IL17RE: variants seen among roughly 807,000 people sequenced by gnomAD.
IL17RE encodes interleukin 17 receptor E, also known as interleukin-17 receptor E.
Under a neutral mutation model 70.7 loss-of-function variants are expected in IL17RE, and 47 were observed. That is an observed-to-expected ratio of 0.67 (90% CI 0.53 to 0.85). The LOEUF (loss-of-function observed/expected upper bound fraction) is 0.85, where lower values mean the gene tolerates loss of function less well. IL17RE is among the 40% of genes least tolerant of loss of function. The pLI is 0.00. For synonymous variants in IL17RE, 372 were observed against 381.2 expected (o/e 0.98, Z 0.28); for missense variants, 850 against 893.9 (o/e 0.95, Z 0.63).
At position 9,915,306 on chromosome 3, in the gene IL17RE, G is replaced by A; in HGVS notation, c.1503G>A (p.Gln501=). Residue 501 remains glutamine (Q), a synonymous_variant, in exon 16 of 16, where the codon CAG becomes CAA. Coordinates refer to ENST00000383814, the MANE Select transcript of IL17RE (RefSeq NM_153480.2). The surrounding 1 kb of genome is among the most constrained non-coding windows in gnomAD (Gnocchi z 4.9). ...TGCACGCGGCGGACTCGGAGGCGCA[G>A]CGGCGCCTGGTGGGAGCGCTGGCTG... is the stretch of plus-strand genomic sequence containing the variant. The part of the protein sequence containing the change: ...LLLHAADSEA[Q]RRLVGALAEL... The A allele has an allele frequency of 7.2e-7, 1 of 1,394,816 alleles. No homozygotes were observed. Among genetic ancestry groups the A allele is most frequent in the Non-Finnish European group, 9.2e-7 (1 of 1,081,808 alleles). The allele number at this position is 1,394,816 out of a possible 1,614,324, so 86.4% of individuals were successfully genotyped here.
Position 9,904,018 on chromosome 3 carries a change from T to C in IL17RE, c.149-14T>C. 1 of 1,613,960 alleles carries C rather than the reference T, an allele frequency of 6.2e-7. No homozygotes were observed. Among genetic ancestry groups the C allele is most frequent in the Non-Finnish European group, 8.5e-7 (1 of 1,179,922 alleles). On this transcript the variant is annotated splice_polypyrimidine_tract_variant and intron_variant, in intron 2 of 15. Coordinates refer to ENST00000383814, the MANE Select transcript of IL17RE (RefSeq NM_153480.2). ...TTAGACCCTATCATTTGCTTTCCCT[T>C]CCATCTTTCCCAGGAAGTTCTGCCT... is the stretch of plus-strand genomic sequence containing the variant.
chr3:9,904,637 A>G (rs948664558), intron 3 of IL17RE, among the ~76,000 whole-genome samples: 26 of 152,194 alleles, frequency 1.7e-4, no homozygotes, highest in African/African-American at 5.8e-4. Flanking sequence ...AATACAAAAA[A>G]TTAGCAGGGC....
At chr3:9,914,622 G>C (rs753758697) in intron 14 of IL17RE, 23 bp downstream of exon 14, 1 of 1,613,360 alleles carries the variant, frequency 6.2e-7, no homozygotes. Context: ...GGAGGGGGAG[G>C]TAAGAGGGAG....
rs748230310 is a variant in IL17RE, at chr3:9,911,573, G to GC, written c.1209dup (p.Val404ArgfsTer107). 1 of 1,613,990 alleles carries GC rather than the reference G, an allele frequency of 6.2e-7. No homozygotes were observed. The highest frequency in any genetic ancestry group is 8.5e-7 in the Non-Finnish European group (1 of 1,179,914). On this transcript the variant is annotated frameshift_variant, in exon 12 of 16. Transcript: ENST00000383814. LOFTEE classifies it high-confidence loss of function. ...CAGGCTTGGGGCAGGACACTTTGGT[G>GC]CCCCCCGTGTACACTGTCAGCCAGG...
chr3:9,916,060 T>G lies in IL17RE; in HGVS notation c.*253T>G. 8.4e-6 allele frequency: 4 copies of G among 476,076 alleles called. No individual in the cohort carries two copies. Among genetic ancestry groups the G allele is most frequent in the Non-Finnish European group, 1.4e-5 (4 of 296,084 alleles). The allele number at this position is 476,076 out of a possible 1,614,324, so 29.5% of individuals were successfully genotyped here. Reference sequence around the variant, plus strand: ...TGATGGGGGAGGGCGGTCTTCCCACTTCCTCTCCAGAACTCCAGAAAGAGC... The same window carrying G: ...TGATGGGGGAGGGCGGTCTTCCCACGTCCTCTCCAGAACTCCAGAAAGAGC... On this transcript the variant is annotated 3_prime_UTR_variant, in exon 16 of 16. Coordinates refer to ENST00000383814, the MANE Select transcript of IL17RE (RefSeq NM_153480.2).
chr3:9,904,294 G>T (rs17050639), intron 3 of IL17RE, 143 bp downstream of exon 3: 11,469 of 793,122 alleles, frequency 0.014, 186 homozygotes, highest in Admixed American at 0.053. Flanking sequence ...AAAATAGCAC[G>T]CTATGACTGA....
chr3:9,915,243 G>A lies in IL17RE; in HGVS notation c.1448-8G>A. The A allele has an allele frequency of 1.4e-6, 2 of 1,379,360 alleles. No individual in the cohort carries two copies. Among genetic ancestry groups the A allele is most frequent in the African/African-American group, 1.5e-5 (1 of 66,018 alleles). The allele number at this position is 1,379,360 out of a possible 1,614,324, so 85.4% of individuals were successfully genotyped here. ...GCCCAGCCTTCATCTGTTGCTTCCC[G>A]CCACCAGGCCCGGGCCCAGCGCGGC... On this transcript the variant is annotated splice_region_variant and splice_polypyrimidine_tract_variant and intron_variant, in intron 15 of 15. Coordinates refer to ENST00000383814, the MANE Select transcript of IL17RE (RefSeq NM_153480.2). This position sits in a 1 kb window ranked among gnomAD's most constrained non-coding sequence, Gnocchi z 4.9.
chr3:9,914,631 AGGCTGGGCACTGAGGAAC>A, intron 14 of IL17RE, 30 bp from the exon 15 acceptor site: 2 of 1,613,104 alleles, frequency 1.2e-6, no homozygotes, highest in Non-Finnish European at 1.7e-6. Flanking sequence ...GGTAAGAGGG[AGGCTGGGCACTGAGGAAC>A]TGGGCTTGGC....
At chr3:9,912,138 C>A (rs981590732) in intron 12 of IL17RE, among the ~76,000 whole-genome samples, 11 of 152,144 alleles carry the variant, frequency 7.2e-5, no homozygotes, top group Non-Finnish European at 1.2e-4. Context: ...GGAGCGCAAA[C>A]CCTATTGTGA....
intron 6 of IL17RE, among the ~76,000 whole-genome samples, chr3:9,907,980 A>T (rs2082799429): frequency 6.6e-6 from 1 of 151,712 alleles, no homozygotes; most frequent in South Asian, 2.1e-4. Flanking sequence ...CACCCTCTAC[A>T]CTCCCTGGCA....
intron 3 of IL17RE, among the ~76,000 whole-genome samples, chr3:9,905,032 T>G (rs1285653052): frequency 7.0e-6 from 1 of 143,280 alleles, no homozygotes; most frequent in Non-Finnish European, 1.5e-5. Context: ...GAGGTGGAGG[T>G]TGCAGTGAGT....
chr3:9,915,808 G>A lies in IL17RE; in HGVS notation c.*1G>A. ...CGCCCGACTTGCAGACCTAGGTTGA[G>A]CAGAGCTCCACCGCAGTCCCGGGTG... On this transcript the variant is annotated 3_prime_UTR_variant, in exon 16 of 16. Coordinates refer to ENST00000383814, the MANE Select transcript of IL17RE (RefSeq NM_153480.2). The surrounding 1 kb of genome is among the most constrained non-coding windows in gnomAD (Gnocchi z 4.9). The A allele has an allele frequency of 6.6e-7, 1 of 1,523,904 alleles. No homozygotes were observed. Among genetic ancestry groups the A allele is most frequent in the Non-Finnish European group, 8.7e-7 (1 of 1,147,016 alleles). The allele number at this position is 1,523,904 out of a possible 1,614,324, so 94.4% of individuals were successfully genotyped here.
At position 9,904,253 on chromosome 3, in the gene IL17RE, T is replaced by C. The variant is rs767663917; in HGVS notation, c.268+102T>C. On this transcript the variant is annotated intron_variant, in intron 3 of 15. Coordinates refer to ENST00000383814, the MANE Select transcript of IL17RE (RefSeq NM_153480.2). ...CTTACTAGAACAGATATTTGTCTTG[T>C]TTTAACCTCAACTGGGACTTGGATT... 555 of 1,356,658 alleles carry C rather than the reference T, an allele frequency of 4.1e-4. 2 individuals are homozygous for C. The Middle Eastern group carries it at 8.8e-3, about 21-fold the overall frequency. 84.0% of individuals were successfully genotyped at this position (1,356,658 alleles called of 1,614,324 possible). A position where few individuals can be genotyped will look rare whatever the true frequency, so the allele number is the denominator to read the frequency against.
chr3:9,903,449 G>T, intron 2 of IL17RE, 37 bp downstream of exon 2: 1 of 1,611,914 alleles, frequency 6.2e-7, no homozygotes, highest in South Asian at 1.1e-5. Context: ...TCCTCCCCAC[G>T]CCCACTATTT....
Position 9,911,136 on chromosome 3 carries a change from T to C in IL17RE, c.988T>C (p.Leu330=), listed in dbSNP as rs775056734. The C allele has an allele frequency of 6.2e-7, 1 of 1,614,182 alleles. No individual in the cohort carries two copies. Residue 330 remains leucine (L), a synonymous_variant, in exon 10 of 16, where the codon TTG becomes CTG. Coordinates refer to ENST00000383814, the MANE Select transcript of IL17RE (RefSeq NM_153480.2). ...TCCTCTCCTCCCACAGTGGTATGTT[T>C]TGGAGAAGGTGGACCTGCACCCCCA... ...TARESDGWYV[L]EKVDLHPQLC...
At position 9,913,385 on chromosome 3, in the gene IL17RE, C is replaced by T. The variant is rs9880451; in HGVS notation, c.1228-571C>T. Among the ~76,000 whole-genome samples, 1,440 of 151,578 alleles carry T rather than the reference C, an allele frequency of 9.5e-3. 18 individuals carry two copies. The highest frequency in any genetic ancestry group is 0.033 in the African/African-American group (1,377 of 41,262). The stretch of plus-strand genomic sequence containing the variant: ...CACCAGTGCACTCCAGCCTGCACGA[C>T]GGAGCAAGACTCTGTCTCAAAAAAT... On this transcript the variant is annotated intron_variant, in intron 12 of 15. Coordinates refer to ENST00000383814, the MANE Select transcript of IL17RE (RefSeq NM_153480.2).
chr3:9,912,890 A>C (rs2082926068), intron 12 of IL17RE, among the ~76,000 whole-genome samples: 1 of 152,174 alleles, frequency 6.6e-6, no homozygotes, highest in African/African-American at 2.4e-5. Context: ...TTTTTAATTA[A>C]AATTCTGTCC....
rs751916806 is a variant in IL17RE, at chr3:9,906,686, A to G, written c.367-20A>G. The G allele has an allele frequency of 5.6e-6, 9 of 1,613,952 alleles. No homozygotes were observed. The highest frequency in any genetic ancestry group is 7.6e-6 in the Non-Finnish European group (9 of 1,179,980). ...TTTCCTGATTTCTGGCCTGAGGCCA[A>G]CCTTGTTCTCTGCCTTTAGAGGAAG... On this transcript the variant is annotated intron_variant, in intron 4 of 15. Coordinates refer to ENST00000383814, the MANE Select transcript of IL17RE (RefSeq NM_153480.2).
Position 9,913,967 on chromosome 3 carries a change from A to G in IL17RE, c.1239A>G (p.Ser413=), listed in dbSNP as rs369852391. The part of the protein sequence containing the change: ...PVYTVSQARG[S]SPVSLDLIIP... ...CTTTGTTTCTACAGGCCCGGGGCTC[A>G]AGCCCAGTGTCACTAGACCTCATCA... Residue 413 remains serine (S), a synonymous_variant, in exon 13 of 16, where the codon TCA becomes TCG. Coordinates refer to ENST00000383814, the MANE Select transcript of IL17RE (RefSeq NM_153480.2). 9.3e-6 allele frequency: 15 copies of G among 1,613,908 alleles called. No homozygotes were observed. Among genetic ancestry groups the G allele is most frequent in the Non-Finnish European group, 1.3e-5 (15 of 1,179,904 alleles).
Sources: gnomAD v4.1 joint callset for allele counts (sites outside exome capture counted in the v4.1 genomes callset) on GRCh38, gnomAD v4.1.1 for gene constraint, Gnocchi (gnomAD v3.1) non-coding constraint, MANE v1.5 for transcripts, NCBI Gene and HGNC (gene_info 2026-07-23, HGNC 2026-07-21) for gene names.